Variants in LMNA observed in about 807,000 individuals in gnomAD.
The protein encoded by LMNA is lamin.
Under a neutral mutation model 70.4 loss-of-function variants are expected in LMNA, and 20 were observed. The observed-to-expected ratio is 0.28, with a 90% CI of 0.20 to 0.41. LMNA has a LOEUF of 0.41. Among genes scored for constraint, LMNA ranks in the 10% least tolerant of loss-of-function variants. The probability of loss-of-function intolerance (pLI) is 1.00; values close to 1 mark genes in which losing one functional copy is unlikely to be tolerated. For missense variants in LMNA, 652 were observed against 917.2 expected (o/e 0.71, Z 3.73); for synonymous variants, 339 against 372.8 (o/e 0.91, Z 1.04).
rs1171976101 is a variant in LMNA, at chr1:156,136,372, G to A, written c.1316G>A (p.Arg439His). ...SFSQHARTSG[R>H]VAVEEVDEEG... ...TCACAGCACGCACGCACTAGCGGGC[G>A]CGTGGCCGTGGAGGAGGTGGATGAG... Residue 439 changes from arginine (R) to histidine (H), a missense_variant, in exon 7 of 12, where the codon CGC (arginine) becomes CAC (histidine). Transcript: ENST00000368300. This position sits in a 1 kb window ranked among gnomAD's most constrained non-coding sequence, Gnocchi z 6.1. The A allele has an allele frequency of 6.2e-6, 10 of 1,611,710 alleles. No individual in the cohort carries two copies. Among genetic ancestry groups the A allele is most frequent in the African/African-American group, 1.3e-5 (1 of 74,868 alleles).
intron 3 of LMNA, among the ~76,000 whole-genome samples, chr1:156,099,315 C>T (rs963669904): frequency 6.6e-6 from 1 of 152,162 alleles, no homozygotes. Context: ...GGCCTAGCTC[C>T]ACCACTGGCT....
chr1:156,115,179 T>C lies in LMNA; in HGVS notation c.261T>C (p.Asp87=), dbSNP rs397517900. 6.2e-7 allele frequency: 1 copy of C among 1,612,922 alleles called. No individual in the cohort carries two copies. The highest frequency in any genetic ancestry group is 2.2e-5 in the East Asian group (1 of 44,844). The change falls in exon 1 of 12, where the codon GAT becomes GAC. Residue 87 remains aspartate, a synonymous_variant. Transcript: ENST00000368300. This position sits in a 1 kb window ranked among gnomAD's most constrained non-coding sequence, Gnocchi z 5.8. ...IKAAYEAELG[D]ARKTLDSVAK... ...CCGCCTACGAGGCCGAGCTCGGGGATGCCCGCAAGACCCTTGACTCAGTAG... is the reference window on the plus strand; with the variant it reads ...CCGCCTACGAGGCCGAGCTCGGGGACGCCCGCAAGACCCTTGACTCAGTAG...
rs1430012267 is a variant in LMNA, at chr1:156,115,399, C to T, written c.356+125C>T. On this transcript the variant is annotated intron_variant, in intron 1 of 11. Coordinates refer to ENST00000368300, the MANE Select transcript of LMNA (RefSeq NM_170707.4). The surrounding 1 kb of genome is among the most constrained non-coding windows in gnomAD (Gnocchi z 5.8). ...GCCGATAACTTTGCCATAGTCTCCTCCCTCCCCGGAACTGCCCCCAGCGGG... is the reference window on the plus strand; with the variant it reads ...GCCGATAACTTTGCCATAGTCTCCTTCCTCCCCGGAACTGCCCCCAGCGGG... 1 of 859,808 alleles carries T rather than the reference C, an allele frequency of 1.2e-6. No individual in the cohort carries two copies. The highest frequency in any genetic ancestry group is 2.0e-5 in the Admixed American group (1 of 49,510). The allele number at this position is 859,808 out of a possible 1,614,324, so 53.3% of individuals were successfully genotyped here.
chr1:156,099,502 C>T (rs1649062685), intron 3 of LMNA, among the ~76,000 whole-genome samples: 1 of 152,162 alleles, frequency 6.6e-6, no homozygotes, highest in South Asian at 2.1e-4. Flanking sequence ...TCTGTCCTAG[C>T]TACACATGAG....
At chr1:156,111,385 G>A (rs1257809282), upstream of LMNA, among the ~76,000 whole-genome samples, 2 of 151,666 alleles carry the variant, frequency 1.3e-5, no homozygotes, top group Non-Finnish European at 2.9e-5. Context: ...GGAGGCAGAG[G>A]TTGCAGTGAG....
chr1:156,091,974 G>A (rs551708278), intron 3 of LMNA, among the ~76,000 whole-genome samples: 1 of 151,978 alleles, frequency 6.6e-6, no homozygotes, highest in Admixed American at 6.5e-5. Context: ...CTGGAGTGCA[G>A]TGGCATGATT....
chr1:156,131,529 A>T (rs901303135), intron 2 of LMNA, among the ~76,000 whole-genome samples: 26 of 152,056 alleles, frequency 1.7e-4, no homozygotes, highest in Non-Finnish European at 2.4e-4. Flanking sequence ...GGTCGAGGAT[A>T]CAGTGAGCTG....
upstream of LMNA, among the ~76,000 whole-genome samples, chr1:156,110,483 G>A (rs1215818922): frequency 1.3e-5 from 2 of 152,164 alleles, no homozygotes; most frequent in South Asian, 2.1e-4. Flanking sequence ...TGAAACTAAC[G>A]CTGGAAAAAC....
In LMNA at chr1:156,103,300, C is replaced by A. The variant is rs1209371497; in HGVS notation, c.-206-11413C>A. Among the ~76,000 whole-genome samples the A allele has an allele frequency of 1.3e-5, 2 of 152,188 alleles. No homozygotes were observed. The highest frequency in any genetic ancestry group is 2.4e-5 in the African/African-American group (1 of 41,438). The stretch of plus-strand genomic sequence containing the variant: ...AGGGCCTGTGGCTGAGGGTGAGAAG[C>A]CAGCGATCGACCCCCAGGGAGAAGT... On this transcript the variant is annotated intron_variant, in intron 3 of 12. Coordinates refer to the LMNA transcript ENST00000368301. This position sits in a 1 kb window ranked among gnomAD's most constrained non-coding sequence, Gnocchi z 4.7.
At chr1:156,107,788 GGTT>G (rs1009243017) in intron 3 of LMNA, among the ~76,000 whole-genome samples, 9 of 151,938 alleles carry the variant, frequency 5.9e-5, no homozygotes, top group Non-Finnish European at 8.8e-5. Context: ...GTGGAGTTTG[GGTT>G]GTTGTTTTTT....
intron 2 of LMNA, among the ~76,000 whole-genome samples, chr1:156,089,280 G>GTTTA (rs140712392): frequency 0.032 from 4,801 of 151,064 alleles, 200 homozygotes; most frequent in African/African-American, 0.094. Context: ...CCCAACCCTT[G>GTTTA]TTTATTTATT....
chr1:156,101,871 G>A (rs1054746713), intron 3 of LMNA, among the ~76,000 whole-genome samples: 2 of 152,120 alleles, frequency 1.3e-5, no homozygotes, highest in African/African-American at 4.8e-5. Context: ...ATTGGCCAAG[G>A]GAGATGAAGG....
At chr1:156,139,050 C>T (rs1290157334) in intron 11 of LMNA, 30 bp from the exon 12 acceptor site, 1 of 1,613,094 alleles carries the variant, frequency 6.2e-7, no homozygotes, top group Non-Finnish European at 8.5e-7. Flanking sequence ...CCCTGCTGCT[C>T]ACACCTCTCT....
intron 3 of LMNA, among the ~76,000 whole-genome samples, chr1:156,094,494 A>G (rs1468551495): frequency 6.6e-6 from 1 of 151,690 alleles, no homozygotes; most frequent in Non-Finnish European, 1.5e-5. Context: ...GCGTGCCACC[A>G]TGCCTGGCTA....
chr1:156,138,867 C>T lies in LMNA; in HGVS notation c.1968+110C>T, dbSNP rs1209597660. On this transcript the variant is annotated intron_variant, in intron 11 of 11. Transcript: ENST00000368300. The surrounding 1 kb of genome is among the most constrained non-coding windows in gnomAD (Gnocchi z 5.5). Reference sequence around the variant, plus strand: ...AGAGCCTGCCTTCTCTTCCGCAGCCCGGGGGAGTGGGAGCCTCCTCCCCAC... The same window carrying T: ...AGAGCCTGCCTTCTCTTCCGCAGCCTGGGGGAGTGGGAGCCTCCTCCCCAC... 1.6e-5 allele frequency: 24 copies of T among 1,464,804 alleles called. No individual in the cohort carries two copies. The highest frequency in any genetic ancestry group is 8.4e-5 in the African/African-American group (6 of 71,422). The allele number at this position is 1,464,804 out of a possible 1,614,324, so 90.7% of individuals were successfully genotyped here. A position where few individuals can be genotyped will look rare whatever the true frequency, so the allele number is the denominator to read the frequency against.
chr1:156,085,322 G>T (rs1413764157), intron 2 of LMNA, among the ~76,000 whole-genome samples: 1 of 152,172 alleles, frequency 6.6e-6, no homozygotes, highest in Non-Finnish European at 1.5e-5. Context: ...GAGGCTGGTG[G>T]CCTCCTTTGT....
intron 2 of LMNA, among the ~76,000 whole-genome samples, chr1:156,133,968 A>G (rs1651300964): frequency 6.6e-6 from 1 of 151,968 alleles, no homozygotes; most frequent in Non-Finnish European, 1.5e-5. Context: ...TACCTCCTTT[A>G]TAGCAGTTGC....
At position 156,136,944 on chromosome 1, in the gene LMNA, G is replaced by C; in HGVS notation, c.1404G>C (p.Gln468His). ...AGGACCAGTCCATGGGCAATTGGCA[G>C]ATCAAGCGCCAGAATGGAGATGATC... The part of the protein sequence containing the change: ...SNEDQSMGNW[Q>H]IKRQNGDDPL... Residue 468 changes from glutamine to histidine, a missense_variant, in exon 8 of 12, where the codon CAG becomes CAC. Transcript: ENST00000368300. This position sits in a 1 kb window ranked among gnomAD's most constrained non-coding sequence, Gnocchi z 6.1. 1 of 1,614,108 alleles carries C rather than the reference G, an allele frequency of 6.2e-7. No individual in the cohort carries two copies.
chr1:156,114,896 G>T lies in LMNA; in HGVS notation c.-23G>T, dbSNP rs1374324755. 6.6e-7 allele frequency: 1 copy of T among 1,504,650 alleles called. No homozygotes were observed. The highest frequency in any genetic ancestry group is 1.3e-5 in the South Asian group (1 of 78,562). The allele number at this position is 1,504,650 out of a possible 1,614,324, so 93.2% of individuals were successfully genotyped here. On this transcript the variant is annotated 5_prime_UTR_variant, in exon 1 of 12. Transcript: ENST00000368300. The stretch of plus-strand genomic sequence containing the variant: ...CCTTTCCGGGACCCCTGCCCCGCGG[G>T]CAGCGCTGCCAACCTGCCGGCCATG...
Sources: allele counts gnomAD v4.1 joint callset (sites outside exome capture counted in the v4.1 genomes callset), GRCh38; gene constraint gnomAD v4.1.1; non-coding constraint Gnocchi (gnomAD v3.1); transcripts MANE v1.5; gene names NCBI Gene and HGNC (gene_info 2026-07-23, HGNC 2026-07-21).